LARP4B: variants seen among roughly 807,000 people sequenced by gnomAD.
LARP4B encodes La ribonucleoprotein 4B.
LARP4B carries 12 observed loss-of-function variants against 89.8 expected under a neutral mutation model. The observed-to-expected ratio is 0.13, with a 90% CI of 0.09 to 0.22. The LOEUF (loss-of-function observed/expected upper bound fraction) is 0.22, where lower values mean the gene tolerates loss of function less well. Among genes scored for constraint, LARP4B ranks in the 10% least tolerant of loss-of-function variants. LARP4B has a pLI of 1.00. For missense variants in LARP4B, 757 were observed against 947.7 expected (o/e 0.80, Z 2.64); for synonymous variants, 367 against 363.3 (o/e 1.01, Z -0.12).
chr10:824,663 C>A (rs1037902020), intron 13 of LARP4B, among the ~76,000 whole-genome samples: 5 of 152,354 alleles, frequency 3.3e-5, no homozygotes, highest in African/African-American at 1.2e-4. Context: ...CCTGGTTACC[C>A]GCTCCAGGCT....
At chr10:827,138 T>A (rs1438586953) in intron 11 of LARP4B, among the ~76,000 whole-genome samples, 1 of 151,670 alleles carries the variant, frequency 6.6e-6, no homozygotes, top group Non-Finnish European at 1.5e-5. Flanking sequence ...TATCCGGGCG[T>A]AGTGGCGGGC....
chr10:984,276 T>G, the LARP4B span, among the ~76,000 whole-genome samples: 1 of 151,982 alleles, frequency 6.6e-6, no homozygotes, highest in Non-Finnish European at 1.5e-5. Flanking sequence ...ATGCTAATCT[T>G]AAGAAATTCT....
intron 8 of LARP4B, among the ~76,000 whole-genome samples, chr10:835,489 G>A (rs1234134122): frequency 6.6e-6 from 1 of 152,162 alleles, no homozygotes; most frequent in African/African-American, 2.4e-5. Context: ...GGCAGATTCC[G>A]TTTTCTGAGG....
chr10:845,203 CA>C, intron 5 of LARP4B, 148 bp from the exon 6 acceptor site: 2 of 564,014 alleles, frequency 3.5e-6, no homozygotes, highest in East Asian at 3.0e-5. Flanking sequence ...CTTTACCTAT[CA>C]AAAAAGTAAA....
At chr10:853,367 A>C (rs1834147947) in intron 5 of LARP4B, among the ~76,000 whole-genome samples, 2 of 152,158 alleles carry the variant, frequency 1.3e-5, no homozygotes, top group South Asian at 4.1e-4. Context: ...TAAAAAAAAA[A>C]CTACAATACC....
the LARP4B span, among the ~76,000 whole-genome samples, chr10:980,347 G>C: frequency 1.3e-5 from 2 of 152,236 alleles, no homozygotes; most frequent in East Asian, 1.9e-4. Context: ...CCACTAGGCA[G>C]TGCCCCAGTG....
At chr10:880,611 G>A (rs1348738721) in intron 3 of LARP4B, among the ~76,000 whole-genome samples, 16 of 152,096 alleles carry the variant, frequency 1.1e-4, no homozygotes, top group East Asian at 3.9e-4. Context: ...GCTTGAACCC[G>A]GGAGGCAGAG....
At chr10:845,198 C>G (rs1001367943) in intron 5 of LARP4B, 143 bp from the exon 6 acceptor site, 12 of 568,952 alleles carry the variant, frequency 2.1e-5, no homozygotes, top group African/African-American at 1.5e-4. Context: ...TGCTACTTTA[C>G]CTATCAAAAA....
chr10:981,562 CTTTT>C, the LARP4B span, among the ~76,000 whole-genome samples: 1 of 151,408 alleles, frequency 6.6e-6, no homozygotes, highest in Non-Finnish European at 1.5e-5. Context: ...GTACTTTGTA[CTTTT>C]TTTTTGTTTC....
intron 3 of LARP4B, among the ~76,000 whole-genome samples, chr10:879,962 C>T (rs558237037): frequency 4.0e-5 from 6 of 151,518 alleles, no homozygotes; most frequent in East Asian, 2.0e-4. Flanking sequence ...TTAGTAGAGA[C>T]GGGGTTTCAT....
chr10:939,158 G>A, the LARP4B span, among the ~76,000 whole-genome samples: 6 of 152,258 alleles, frequency 3.9e-5, no homozygotes, highest in Non-Finnish European at 8.8e-5. Flanking sequence ...CTTCCTGGCT[G>A]TAGGAAAGAG....
At chr10:884,395 T>C (rs1835788560) in intron 3 of LARP4B, 52 bp downstream of exon 3, 2 of 1,190,096 alleles carry the variant, frequency 1.7e-6, no homozygotes, top group Non-Finnish European at 2.5e-6. Flanking sequence ...GAAGTATCTC[T>C]GAGCCTTGAC....
At chr10:872,774 AGAT>A (rs1218895316) in intron 3 of LARP4B, among the ~76,000 whole-genome samples, 1 of 152,224 alleles carries the variant, frequency 6.6e-6, no homozygotes, top group Non-Finnish European at 1.5e-5. Context: ...CACACACAGT[AGAT>A]CACAGACCCC....
Position 812,643 on chromosome 10 carries a change from G to T in LARP4B, c.*283C>A. The T allele has an allele frequency of 3.6e-6, 1 of 274,390 alleles. No homozygotes were observed. The highest frequency in any genetic ancestry group is 6.7e-6 in the Non-Finnish European group (1 of 148,804). The allele number at this position is 274,390 out of a possible 1,614,324, so 17.0% of individuals were successfully genotyped here. On this transcript the variant is annotated 3_prime_UTR_variant, in exon 18 of 18. Transcript: ENST00000316157. ...GAGGCTTAATAAAAAATACCAATTT[G>T]TTAGGATAAATGCTTTTTCTATCTT... is the stretch of plus-strand genomic sequence containing the variant.
chr10:935,316 ATT>A, upstream of LARP4B, among the ~76,000 whole-genome samples: 1 of 152,296 alleles, frequency 6.6e-6, no homozygotes, highest in South Asian at 2.1e-4. Context: ...CGAGGGCGGC[ATT>A]CTTTTGGAGC....
chr10:975,769 G>A, the LARP4B span, among the ~76,000 whole-genome samples: 4 of 151,966 alleles, frequency 2.6e-5, no homozygotes, highest in African/African-American at 9.7e-5. Context: ...CAGCCTAGTA[G>A]AACGTAAGCC....
At chr10:948,192 C>G in the LARP4B span, among the ~76,000 whole-genome samples, 1 of 152,120 alleles carries the variant, frequency 6.6e-6, no homozygotes, top group Non-Finnish European at 1.5e-5. Flanking sequence ...AAATACAAAG[C>G]CACGCTGCCT....
intron 1 of LARP4B, among the ~76,000 whole-genome samples, chr10:887,993 C>T (rs1018996601): frequency 1.3e-5 from 2 of 151,450 alleles, no homozygotes; most frequent in Admixed American, 1.3e-4. Flanking sequence ...CACTGCACTC[C>T]CACCTCGGCG....
intron 13 of LARP4B, among the ~76,000 whole-genome samples, chr10:823,959 T>C (rs531486287): frequency 9.8e-5 from 15 of 152,330 alleles, no homozygotes; most frequent in East Asian, 3.8e-4. Flanking sequence ...TATGTGCTCA[T>C]TGAATCATTA....
Sources: gnomAD v4.1 joint callset for allele counts (sites outside exome capture counted in the v4.1 genomes callset) on GRCh38, gnomAD v4.1.1 for gene constraint, MANE v1.5 for transcripts, NCBI Gene and HGNC (gene_info 2026-07-23, HGNC 2026-07-21) for gene names.